Variants in HDAC2 observed in about 807,000 individuals in gnomAD.
HDAC2 encodes the protein histone deacetylase 2, also known as YY1-associated factor 1.
HDAC2 carries 5 observed loss-of-function variants against 68.5 expected under a neutral mutation model. The ratio of observed to expected loss-of-function variants is 0.07; its 90% CI spans 0.04 to 0.15. The LOEUF (loss-of-function observed/expected upper bound fraction) is 0.15. HDAC2 is among the 10% of genes least tolerant of loss of function. The probability of loss-of-function intolerance (pLI) is 1.00; values close to 1 mark genes in which losing one functional copy is unlikely to be tolerated. For synonymous variants in HDAC2, 182 were observed against 191.3 expected (o/e 0.95, Z 0.40); for missense variants, 291 against 600.8 (o/e 0.48, Z 5.39).
Position 113,941,712 on chromosome 6 carries a change from T to C in HDAC2, c.1432A>G (p.Lys478Glu). 7.3e-7 allele frequency: 1 copy of C among 1,365,202 alleles called. No homozygotes were observed. The highest frequency in any genetic ancestry group is 2.0e-5 in the Admixed American group (1 of 50,394). 84.6% of individuals were successfully genotyped at this position (1,365,202 alleles called of 1,614,324 possible). ...KDNSGEKTDT[K>E]GTKSEQLSNP is the part of the protein sequence containing the mutation. ...TTGATAAGGAACATCATTTACCCTT[T>C]GGTATCTGTTTTTTCACCACTGTTG... Residue 478 changes from lysine to glutamate, a missense_variant, in exon 13 of 14, where the codon AAA (lysine) becomes GAA (glutamate). This residue lies in a region of HDAC2 where 137 missense variants were observed against 128.7 expected (regional missense o/e 1.06). Coordinates refer to ENST00000519065, the MANE Select transcript of HDAC2 (RefSeq NM_001527.4).
chr6:113,970,413 G>C, intron 1 of HDAC2: 1 of 1,006,332 alleles, frequency 9.9e-7, no homozygotes, highest in Non-Finnish European at 1.2e-6. Flanking sequence ...GTCAAGGCCG[G>C]GATAGAAATT....
At position 113,960,867 on chromosome 6, in the gene HDAC2, G is replaced by C. The variant is rs553775734; in HGVS notation, c.53-849C>G. Among the ~76,000 whole-genome samples the C allele has an allele frequency of 2.6e-5, 4 of 152,158 alleles. No homozygotes were observed. In the South Asian group the frequency reaches 8.3e-4, roughly 32 times the overall value. ...AGACTGAAAATATTTTTAAAAAATA[G>C]ATGGTGGTGTCTGCTGGAAACACGT... On this transcript the variant is annotated intron_variant, in intron 1 of 13. Coordinates refer to ENST00000519065, the MANE Select transcript of HDAC2 (RefSeq NM_001527.4).
chr6:113,947,099 T>G (rs1192095333), intron 8 of HDAC2: 2 of 152,154 alleles, frequency 1.3e-5, no homozygotes, highest in African/African-American at 4.8e-5. Context: ...TCAATTTTTA[T>G]TATTGCTACT....
chr6:113,969,631 C>A, intron 1 of HDAC2: 1 of 152,252 alleles, frequency 6.6e-6, no homozygotes. Flanking sequence ...ATTTACCAAG[C>A]CTTTGTGAAA....
chr6:113,941,810 T>TA, intron 12 of HDAC2, 45 bp from the exon 13 acceptor site: 1 of 645,652 alleles, frequency 1.5e-6, no homozygotes, highest in Non-Finnish European at 2.5e-6. Context: ...TTTTGAAATA[T>TA]AAAATGTATA....
intron 6 of HDAC2, among the ~76,000 whole-genome samples, chr6:113,951,219 T>C (rs1178144297): frequency 3.3e-5 from 5 of 152,164 alleles, no homozygotes; most frequent in African/African-American, 1.2e-4. Flanking sequence ...ACTAGACTAC[T>C]TGAATTAAAG....
chr6:113,960,872 T>C (rs1182978067), intron 1 of HDAC2, among the ~76,000 whole-genome samples: 1 of 152,090 alleles, frequency 6.6e-6, no homozygotes, highest in Non-Finnish European at 1.5e-5. Context: ...AAATAGATGG[T>C]GGTGTCTGCT....
At chr6:113,962,101 C>G (rs1015465723) in intron 1 of HDAC2, among the ~76,000 whole-genome samples, 1 of 150,168 alleles carries the variant, frequency 6.7e-6, no homozygotes, top group African/African-American at 2.4e-5. Context: ...AAAAAAAAAG[C>G]AGTAATTAAC....
chr6:113,949,907 G>A (rs1486425262), intron 6 of HDAC2, among the ~76,000 whole-genome samples: 6 of 151,888 alleles, frequency 4.0e-5, no homozygotes, highest in Admixed American at 2.6e-4. Context: ...TCAGCCTACC[G>A]AGTGGCTGGG....
At chr6:113,965,011 A>G (rs1012796050) in intron 1 of HDAC2, among the ~76,000 whole-genome samples, 6 of 152,240 alleles carry the variant, frequency 3.9e-5, no homozygotes, top group Non-Finnish European at 8.8e-5. Context: ...TACATTTTAT[A>G]TGGACCAATA....
At chr6:113,962,963 CA>C (rs796684838) in intron 1 of HDAC2, among the ~76,000 whole-genome samples, 1,745 of 62,652 alleles carry the variant, frequency 0.028, 15 homozygotes, top group Middle Eastern at 0.037. Context: ...GACTCTGTAT[CA>C]AAAAAAAAAA....
rs1004887604 is a variant in HDAC2 at position 113,938,327 on chromosome 6, C to T, written c.*2731G>A. ...TCCTCTACTATCTTTAGATATGAGC[C>T]TTTTGACCTGGATGAGTTACAAATC... On this transcript the variant is annotated 3_prime_UTR_variant, in exon 14 of 14. Transcript: ENST00000519065. The T allele has an allele frequency of 7.2e-5, 11 of 152,252 alleles. 1 individual carries two copies. The East Asian group carries it at 1.9e-3, about 27-fold the overall frequency. 9.4% of individuals were successfully genotyped at this position (152,252 alleles called of 1,614,324 possible).
intron 1 of HDAC2, chr6:113,970,129 T>G (rs1399893584): frequency 1.3e-5 from 2 of 152,214 alleles, no homozygotes; most frequent in African/African-American, 4.8e-5. Flanking sequence ...ATTTGAATCC[T>G]GAGAAAGACG....
chr6:113,942,279 C>T (rs1313172744), intron 12 of HDAC2, among the ~76,000 whole-genome samples: 1 of 151,916 alleles, frequency 6.6e-6, no homozygotes, highest in Non-Finnish European at 1.5e-5. Context: ...TTTTGGATGT[C>T]AATCAGTTAC....
intron 8 of HDAC2, 124 bp downstream of exon 8, chr6:113,948,855 T>C (rs1582481819): frequency 1.0e-6 from 1 of 994,228 alleles, no homozygotes; most frequent in African/African-American, 1.6e-5. Flanking sequence ...CAAAACCCCA[T>C]GAAAAATGCA....
intron 12 of HDAC2, among the ~76,000 whole-genome samples, chr6:113,942,792 C>A (rs1776166822): frequency 6.6e-6 from 1 of 152,170 alleles, no homozygotes; most frequent in Admixed American, 6.5e-5. Flanking sequence ...CTAAAGCTAA[C>A]ACAGCGTTTT....
At chr6:113,967,845 T>C (rs573810441) in intron 1 of HDAC2, among the ~76,000 whole-genome samples, 1 of 152,282 alleles carries the variant, frequency 6.6e-6, no homozygotes, top group Non-Finnish European at 1.5e-5. Flanking sequence ...TTCTAGTGTA[T>C]AAAGAAGGAA....
Position 113,943,345 on chromosome 6 carries a change from T to A in HDAC2, c.1378+6A>T, listed in dbSNP as rs1398827317. 6.3e-7 allele frequency: 1 copy of A among 1,593,182 alleles called. No homozygotes were observed. The highest frequency in any genetic ancestry group is 8.5e-7 in the Non-Finnish European group (1 of 1,172,788). ...TAAAACACAATTACCAAGAAACAAATCTGACCTGTTTTTTTGTCCTCTGTT... is the reference window on the plus strand; with the variant it reads ...TAAAACACAATTACCAAGAAACAAAACTGACCTGTTTTTTTGTCCTCTGTT... On this transcript the variant is annotated splice_donor_region_variant and intron_variant, in intron 12 of 13. Transcript: ENST00000519065.
chr6:113,950,221 TTATA>T (rs1168720474), intron 6 of HDAC2, among the ~76,000 whole-genome samples: 1 of 151,962 alleles, frequency 6.6e-6, no homozygotes, highest in African/African-American at 2.4e-5. Context: ...TATACATATA[TTATA>T]TATACTTACT....
Sources: allele counts gnomAD v4.1 joint callset (sites outside exome capture counted in the v4.1 genomes callset), GRCh38; gene constraint gnomAD v4.1.1; regional missense constraint gnomAD v4.1.1; transcripts MANE v1.5; gene names NCBI Gene and HGNC (gene_info 2026-07-23, HGNC 2026-07-21).